Variants in PRKD1 observed in about 807,000 individuals in gnomAD.
The protein encoded by PRKD1 is protein kinase D1.
PRKD1 carries 63 observed loss-of-function variants against 95.9 expected under a neutral mutation model. The ratio of observed to expected loss-of-function variants is 0.66; its 90% CI spans 0.54 to 0.81. The LOEUF is 0.81. Among genes scored for constraint, PRKD1 ranks in the 30% least tolerant of loss-of-function variants. The pLI, the probability that PRKD1 is intolerant of heterozygous loss-of-function variation, is 0.00. For missense variants in PRKD1, 1,048 were observed against 1,165.3 expected, an observed-to-expected ratio of 0.90 and a Z score of 1.47; for synonymous variants, 425 against 423.1, an observed-to-expected ratio of 1.00 and a Z score of -0.05.
chr14:29,799,907 G>A (rs1292291115), intron 1 of PRKD1, among the ~76,000 whole-genome samples: 1 of 151,982 alleles, frequency 6.6e-6, no homozygotes, highest in Non-Finnish European at 1.5e-5. Context: ...TCTATTTAAT[G>A]CCACATTTTT....
intron 1 of PRKD1, among the ~76,000 whole-genome samples, chr14:29,890,844 A>G (rs185309907): frequency 2.6e-5 from 4 of 152,306 alleles, no homozygotes; most frequent in Admixed American, 2.6e-4. Flanking sequence ...TTATATGTTG[A>G]TATGCTGTTA....
chr14:29,687,064 C>T (rs1159320349), intron 2 of PRKD1, among the ~76,000 whole-genome samples: 3 of 151,966 alleles, frequency 2.0e-5, no homozygotes, highest in South Asian at 4.1e-4. Flanking sequence ...CTCAGGTCAG[C>T]GACCCCAACT....
intron 1 of PRKD1, among the ~76,000 whole-genome samples, chr14:29,748,386 G>A (rs1887328325): frequency 6.6e-6 from 1 of 152,164 alleles, no homozygotes; most frequent in East Asian, 1.9e-4. Flanking sequence ...GAAGCCTTCT[G>A]GTTCAAAATT....
chr14:29,646,499 A>G (rs1020306931), intron 4 of PRKD1, among the ~76,000 whole-genome samples: 1 of 151,772 alleles, frequency 6.6e-6, no homozygotes, highest in Non-Finnish European at 1.5e-5. Context: ...CATGTAACCC[A>G]AAAATATATA....
chr14:29,829,071 T>C (rs1891305049), intron 1 of PRKD1, among the ~76,000 whole-genome samples: 1 of 152,178 alleles, frequency 6.6e-6, no homozygotes, highest in South Asian at 2.1e-4. Context: ...ATGTAGGTAG[T>C]CCAGGCCATG....
At chr14:29,872,276 TTAAAA>T (rs1456887206) in intron 1 of PRKD1, among the ~76,000 whole-genome samples, 2 of 152,194 alleles carry the variant, frequency 1.3e-5, no homozygotes, top group African/African-American at 4.8e-5. Context: ...ATTAGTGTAC[TTAAAA>T]TATAATGACA....
chr14:29,768,011 A>G lies in PRKD1; in HGVS notation c.265-42337T>C, dbSNP rs1888332315. Among the ~76,000 whole-genome samples, 9 of 152,340 alleles carry G rather than the reference A, an allele frequency of 5.9e-5. No homozygotes were observed. The South Asian group carries it at 1.9e-3, about 32-fold the overall frequency. On this transcript the variant is annotated intron_variant, in intron 1 of 17. Transcript: ENST00000331968. ...AGCAAACAAGTGTGTCATTTTAAAG[A>G]TAAGAATTGACAAGAAGTGTTTCTA...
At chr14:29,911,567 A>G (rs1894714761) in intron 1 of PRKD1, among the ~76,000 whole-genome samples, 1 of 152,206 alleles carries the variant, frequency 6.6e-6, no homozygotes, top group Non-Finnish European at 1.5e-5. Flanking sequence ...TTGGATGAGC[A>G]TATTTGCTTA....
chr14:29,890,839 T>C (rs1893913269), intron 1 of PRKD1, among the ~76,000 whole-genome samples: 2 of 152,194 alleles, frequency 1.3e-5, no homozygotes, highest in Non-Finnish European at 2.9e-5. Flanking sequence ...TTTGATTATA[T>C]GTTGATATGC....
chr14:29,765,694 G>T (rs1419770566), intron 1 of PRKD1, among the ~76,000 whole-genome samples: 1 of 152,062 alleles, frequency 6.6e-6, no homozygotes, highest in African/African-American at 2.4e-5. Flanking sequence ...ATTTTATATA[G>T]CAATGAGAAT....
chr14:29,754,101 T>A (rs1378527995), intron 1 of PRKD1, among the ~76,000 whole-genome samples: 1 of 152,176 alleles, frequency 6.6e-6, no homozygotes, highest in African/African-American at 2.4e-5. Flanking sequence ...ATTACCCAAC[T>A]TTTCCAACTT....
intron 1 of PRKD1, among the ~76,000 whole-genome samples, chr14:29,856,256 G>C (rs1173683848): frequency 6.6e-6 from 1 of 152,182 alleles, no homozygotes; most frequent in East Asian, 1.9e-4. Flanking sequence ...TTTCACTTGA[G>C]ACAAGCAGAT....
chr14:29,725,839 G>C (rs1886115583), intron 1 of PRKD1, among the ~76,000 whole-genome samples, 165 bp from the exon 2 acceptor site: 3 of 152,006 alleles, frequency 2.0e-5, no homozygotes, highest in Admixed American at 2.0e-4. Flanking sequence ...GTTGATATTG[G>C]GAAGACTCCA....
At chr14:29,703,188 C>G (rs1296609031) in intron 2 of PRKD1, among the ~76,000 whole-genome samples, 1 of 152,194 alleles carries the variant, frequency 6.6e-6, no homozygotes, top group African/African-American at 2.4e-5. Flanking sequence ...TAAATCCCAG[C>G]ATCTCCTATC....
chr14:29,652,496 C>T (rs1881573780), intron 4 of PRKD1, among the ~76,000 whole-genome samples: 1 of 152,090 alleles, frequency 6.6e-6, no homozygotes, highest in African/African-American at 2.4e-5. Context: ...CAAAGCAGGC[C>T]TCACAATCTT....
chr14:29,656,625 G>A, intron 4 of PRKD1: 1 of 1,146,434 alleles, frequency 8.7e-7, no homozygotes, highest in South Asian at 1.4e-5. Context: ...ATATAGGCAT[G>A]CTTTCAAAAA....
intron 14 of PRKD1, 99 bp from the exon 15 acceptor site, chr14:29,599,224 C>A: frequency 1.0e-6 from 1 of 970,698 alleles, no homozygotes; most frequent in Non-Finnish European, 1.6e-6. Context: ...AATGGACATT[C>A]AAATTTCTTT....
At chr14:29,656,781 T>C (rs145051103) in intron 4 of PRKD1, among the ~76,000 whole-genome samples, 1 of 152,308 alleles carries the variant, frequency 6.6e-6, no homozygotes, top group African/African-American at 2.4e-5. Context: ...AAAACAGCTC[T>C]ACTTGTCATG....
chr14:29,698,135 A>T (rs1884631650), intron 2 of PRKD1, among the ~76,000 whole-genome samples: 1 of 152,186 alleles, frequency 6.6e-6, no homozygotes, highest in Non-Finnish European at 1.5e-5. Context: ...CCCATTTCAA[A>T]GAGTTGGGTA....
Sources: gnomAD v4.1 joint callset for allele counts (sites outside exome capture counted in the v4.1 genomes callset) on GRCh38, gnomAD v4.1.1 for gene constraint, MANE v1.5 for transcripts, NCBI Gene and HGNC (gene_info 2026-07-23, HGNC 2026-07-21) for gene names.